Variants in ICA1 observed in about 807,000 individuals in gnomAD.
The protein encoded by ICA1 is islet cell autoantigen 1, also known as 69 kDa islet cell autoantigen.
Under a neutral mutation model 71.0 loss-of-function variants are expected in ICA1, and 40 were observed. That is an observed-to-expected ratio of 0.56 (90% CI 0.44 to 0.73). ICA1 has a LOEUF of 0.73. Ranked by LOEUF, ICA1 falls within the 30% of genes least tolerant of loss-of-function variation. The pLI, the probability that ICA1 is intolerant of heterozygous loss-of-function variation, is 0.00. For synonymous variants in ICA1, 207 were observed against 209.5 expected, an observed-to-expected ratio of 0.99 and a Z score of 0.10; for missense variants, 578 against 576.5, an observed-to-expected ratio of 1.00 and a Z score of -0.03.
At chr7:8,151,024 C>T (rs531729263) in intron 8 of ICA1, among the ~76,000 whole-genome samples, 2 of 152,316 alleles carry the variant, frequency 1.3e-5, no homozygotes, top group Admixed American at 1.3e-4. Context: ...TCCAATGTTC[C>T]AAGGTTATTT....
chr7:8,183,631 T>C (rs1319130903), intron 6 of ICA1, among the ~76,000 whole-genome samples: 2 of 152,206 alleles, frequency 1.3e-5, no homozygotes, highest in African/African-American at 4.8e-5. Flanking sequence ...TTATTTAACC[T>C]TTCTGAATTT....
At chr7:8,244,431 G>A (rs1241247801) in intron 1 of ICA1, among the ~76,000 whole-genome samples, 2 of 152,290 alleles carry the variant, frequency 1.3e-5, no homozygotes, top group East Asian at 3.9e-4. Flanking sequence ...AGACTTAAAT[G>A]TTAGACCTAC....
intron 6 of ICA1, among the ~76,000 whole-genome samples, chr7:8,195,495 T>C (rs1180901541): frequency 6.6e-6 from 1 of 151,612 alleles, no homozygotes; most frequent in African/African-American, 2.4e-5. Context: ...TGAGCCAAGA[T>C]CATACCACTG....
Position 8,234,805 on chromosome 7 carries a change from G to T in ICA1, c.17+1105C>A, listed in dbSNP as rs1043570983. ...CTCTATAGAATATGCACATTAAAAG[G>T]TTGGAAGGATACACTCCAAAGACTG... On this transcript the variant is annotated intron_variant, in intron 2 of 13. Coordinates refer to ENST00000402384, the MANE Select transcript of ICA1 (RefSeq NM_001136020.3). The surrounding 1 kb of genome is among the most constrained non-coding windows in gnomAD (Gnocchi z 4.5). 2.0e-5 allele frequency among the ~76,000 whole-genome samples: 3 copies of T among 152,128 alleles called. No homozygotes were observed. The highest frequency in any genetic ancestry group is 7.2e-5 in the African/African-American group (3 of 41,430).
intron 6 of ICA1, among the ~76,000 whole-genome samples, chr7:8,196,407 C>A (rs140820896): frequency 1.3e-3 from 202 of 152,254 alleles, no homozygotes; most frequent in South Asian, 2.9e-3. Flanking sequence ...ATGAAACTAC[C>A]CATATGCTAC....
At chr7:8,228,780 A>C (rs892416424) in intron 3 of ICA1, 107 bp from the exon 4 acceptor site, 6 of 656,972 alleles carry the variant, frequency 9.1e-6, no homozygotes, top group South Asian at 2.2e-5. Flanking sequence ...AAACAAGACC[A>C]CATGTCTAAG....
At chr7:8,156,787 C>G (rs1366472875) in intron 8 of ICA1, 1 of 1,447,992 alleles carries the variant, frequency 6.9e-7, no homozygotes, top group South Asian at 1.5e-5. Context: ...CAATGTCAAA[C>G]AAGTATTTTA....
intron 5 of ICA1, among the ~76,000 whole-genome samples, chr7:8,219,771 G>A (rs542424502): frequency 1.9e-4 from 29 of 152,352 alleles, no homozygotes; most frequent in African/African-American, 5.0e-4. Flanking sequence ...GTGAAGGTTT[G>A]TGTAACTGAT....
At chr7:8,204,736 G>A (rs1014479970) in intron 6 of ICA1, among the ~76,000 whole-genome samples, 27 of 152,054 alleles carry the variant, frequency 1.8e-4, no homozygotes, top group African/African-American at 6.5e-4. Context: ...CATGTTTAAC[G>A]TTCTTTTAAA....
intron 6 of ICA1, among the ~76,000 whole-genome samples, chr7:8,211,971 G>C (rs1473357345): frequency 1.3e-5 from 2 of 152,142 alleles, no homozygotes; most frequent in African/African-American, 4.8e-5. Context: ...TGACCTGTGG[G>C]CCATAGGTTA....
chr7:8,248,660 G>A (rs1211869090), intron 1 of ICA1, among the ~76,000 whole-genome samples: 1 of 152,188 alleles, frequency 6.6e-6, no homozygotes, highest in African/African-American at 2.4e-5. Flanking sequence ...AAGTTGCATT[G>A]AGCTGAGATC....
At chr7:8,228,501 A>G (rs143489314) in intron 4 of ICA1, 100 bp downstream of exon 4, 9 of 641,326 alleles carry the variant, frequency 1.4e-5, no homozygotes, top group Non-Finnish European at 1.5e-5. Context: ...GACACAGACA[A>G]ACACTCTTAG....
At chr7:8,129,134 G>A (rs894217727) in intron 12 of ICA1, among the ~76,000 whole-genome samples, 1 of 152,076 alleles carries the variant, frequency 6.6e-6, no homozygotes, top group African/African-American at 2.4e-5. Flanking sequence ...CCTTTCACTG[G>A]GTTTATTACT....
At chr7:8,197,346 A>C (rs1787997743) in intron 6 of ICA1, among the ~76,000 whole-genome samples, 1 of 151,614 alleles carries the variant, frequency 6.6e-6, no homozygotes, top group South Asian at 2.1e-4. Flanking sequence ...CAAGGTCAGG[A>C]CTTCAAGACA....
chr7:8,237,481 T>C (rs1433607309), intron 1 of ICA1, among the ~76,000 whole-genome samples: 1 of 152,230 alleles, frequency 6.6e-6, no homozygotes, highest in Non-Finnish European at 1.5e-5. Flanking sequence ...TCTTTTAATT[T>C]AAAAGTGTAC....
chr7:8,241,575 T>TA (rs559231364), intron 1 of ICA1, among the ~76,000 whole-genome samples: 63,220 of 151,442 alleles, frequency 0.42, 14,341 homozygotes, highest in African/African-American at 0.61. Flanking sequence ...ATATTAACCT[T>TA]ATTGTAAATG....
chr7:8,115,484 C>A (rs1463443011), intron 13 of ICA1, among the ~76,000 whole-genome samples: 1 of 152,180 alleles, frequency 6.6e-6, no homozygotes, highest in Non-Finnish European at 1.5e-5. Context: ...CTTGTTTCCC[C>A]TTCCTTCTAA....
chr7:8,178,714 C>G (rs1781331100), intron 6 of ICA1, among the ~76,000 whole-genome samples: 1 of 152,006 alleles, frequency 6.6e-6, no homozygotes, highest in Admixed American at 6.6e-5. Context: ...ATTGCTGTAC[C>G]ATTTATTTGC....
At chr7:8,197,229 T>C (rs1428382220) in intron 6 of ICA1, among the ~76,000 whole-genome samples, 1 of 151,408 alleles carries the variant, frequency 6.6e-6, no homozygotes, top group Non-Finnish European at 1.5e-5. Context: ...TTCAGACCCT[T>C]AAAAAATGTC....
Sources: gnomAD v4.1 joint callset for allele counts (sites outside exome capture counted in the v4.1 genomes callset) on GRCh38, gnomAD v4.1.1 for gene constraint, Gnocchi (gnomAD v3.1) non-coding constraint, MANE v1.5 for transcripts, NCBI Gene and HGNC (gene_info 2026-07-23, HGNC 2026-07-21) for gene names.